Variants in PDE10A observed in about 807,000 individuals in gnomAD.
The protein encoded by PDE10A is cAMP and cAMP-inhibited cGMP 3',5'-cyclic phosphodiesterase 10A.
PDE10A carries 39 observed loss-of-function variants against 97.7 expected under a neutral mutation model. The observed-to-expected ratio is 0.40, with a 90% CI of 0.31 to 0.52. The LOEUF is 0.52. PDE10A is among the 20% of genes least tolerant of loss of function. The pLI, the probability that PDE10A is intolerant of heterozygous loss-of-function variation, is 0.56. For missense variants in PDE10A, 731 were observed against 1,047.8 expected (o/e 0.70, Z 4.17); for synonymous variants, 371 against 376.8 (o/e 0.98, Z 0.18).
chr6:165,772,819 A>G (rs950723938), intron 1 of PDE10A, among the ~76,000 whole-genome samples: 2 of 152,174 alleles, frequency 1.3e-5, no homozygotes, highest in Admixed American at 1.3e-4. Flanking sequence ...AAGCAGCAAC[A>G]ATGTAGCATT....
intron 2 of PDE10A, among the ~76,000 whole-genome samples, chr6:165,498,090 G>A (rs1780643890): frequency 6.6e-6 from 1 of 151,930 alleles, no homozygotes; most frequent in African/African-American, 2.4e-5. Flanking sequence ...GTGGGGAAAT[G>A]AGAAGTCCAA....
At chr6:165,512,525 T>C (rs1781563058) in intron 2 of PDE10A, among the ~76,000 whole-genome samples, 1 of 152,016 alleles carries the variant, frequency 6.6e-6, no homozygotes, top group Admixed American at 6.6e-5. Context: ...AAATCCATTA[T>C]TAGTCTGACA....
intron 1 of PDE10A, among the ~76,000 whole-genome samples, chr6:165,765,647 G>T (rs542165323): frequency 6.6e-6 from 1 of 152,176 alleles, no homozygotes; most frequent in African/African-American, 2.4e-5. Context: ...ATGCAGCCCC[G>T]GTTCCTGCTC....
At chr6:165,896,328 T>C (rs1781947053) in intron 1 of PDE10A, among the ~76,000 whole-genome samples, 1 of 152,036 alleles carries the variant, frequency 6.6e-6, no homozygotes, top group Non-Finnish European at 1.5e-5. Context: ...CCTAGCACAC[T>C]GCTTTATATG....
intron 1 of PDE10A, among the ~76,000 whole-genome samples, chr6:165,895,388 G>T (rs1781915276): frequency 6.6e-6 from 1 of 152,148 alleles, no homozygotes; most frequent in South Asian, 2.1e-4. Context: ...TCAAGCCAAG[G>T]ACTGCCCATG....
At chr6:165,573,738 G>A (rs1170449427) in intron 1 of PDE10A, among the ~76,000 whole-genome samples, 2 of 152,086 alleles carry the variant, frequency 1.3e-5, no homozygotes, top group African/African-American at 2.4e-5. Flanking sequence ...AAACAGACAG[G>A]AATCTGGCCT....
chr6:165,758,998 C>A (rs184637452), intron 1 of PDE10A, among the ~76,000 whole-genome samples: 144 of 152,200 alleles, frequency 9.5e-4, no homozygotes, highest in African/African-American at 3.1e-3. Context: ...GGAGACAAGG[C>A]GATTTGAGGC....
intron 1 of PDE10A, among the ~76,000 whole-genome samples, chr6:165,620,586 G>A (rs1324665318): frequency 1.3e-5 from 2 of 152,118 alleles, no homozygotes; most frequent in Non-Finnish European, 2.9e-5. Context: ...TAAATGGATG[G>A]GTGCACTGTG....
chr6:165,912,949 A>G (rs537334060), intron 1 of PDE10A, among the ~76,000 whole-genome samples: 1 of 152,242 alleles, frequency 6.6e-6, no homozygotes, highest in African/African-American at 2.4e-5. Context: ...GTACACATAT[A>G]TATACAGGTT....
chr6:165,699,874 A>G (rs1791526892), intron 1 of PDE10A, among the ~76,000 whole-genome samples: 1 of 152,218 alleles, frequency 6.6e-6, no homozygotes, highest in South Asian at 2.1e-4. Flanking sequence ...TTATATTAGT[A>G]AAGAAGAAAG....
intron 1 of PDE10A, among the ~76,000 whole-genome samples, chr6:165,644,635 C>A (rs181844991): frequency 6.6e-6 from 1 of 152,198 alleles, no homozygotes; most frequent in Admixed American, 6.5e-5. Flanking sequence ...ACAACATATA[C>A]GTATATTGAA....
chr6:165,958,747 G>GAAACAAAGAAAGAAAGAA (rs10654760), intron 1 of PDE10A, among the ~76,000 whole-genome samples: 1 of 106,134 alleles, frequency 9.4e-6, no homozygotes, highest in East Asian at 3.4e-4. Flanking sequence ...AAGAAAGAAA[G>GAAACAAAGAAAGAAAGAA]AGAAAGAAAG....
intron 17 of PDE10A, among the ~76,000 whole-genome samples, chr6:165,380,965 G>A (rs191825537): frequency 6.6e-5 from 10 of 152,324 alleles, no homozygotes; most frequent in East Asian, 5.8e-4. Flanking sequence ...TGGTGCTCAC[G>A]CACACATCTG....
chr6:165,929,895 G>T (rs895515279), intron 1 of PDE10A, among the ~76,000 whole-genome samples: 12 of 151,842 alleles, frequency 7.9e-5, no homozygotes, highest in African/African-American at 2.9e-4. Context: ...GCTCCCTAAT[G>T]ACCGGGCACA....
chr6:165,670,600 T>C (rs60004710), intron 1 of PDE10A, among the ~76,000 whole-genome samples: 3,465 of 152,312 alleles, frequency 0.023, 117 homozygotes, highest in African/African-American at 0.079. Context: ...AATTTTTATC[T>C]GATAATCTTA....
chr6:165,806,329 G>C (rs77522046), intron 1 of PDE10A, among the ~76,000 whole-genome samples: 1 of 152,162 alleles, frequency 6.6e-6, no homozygotes, highest in Non-Finnish European at 1.5e-5. Context: ...TTTGTCCAAG[G>C]CTCCGCGTTC....
rs140550199 is a variant in PDE10A, at chr6:165,462,674, T to C, written c.1024-12312A>G. ...ACACAGCCACCCACATGGGGACAGA[T>C]CAAGAAGCTGTCACAGATGGCAGAA... On this transcript the variant is annotated intron_variant, in intron 3 of 21. Coordinates refer to ENST00000539869, the MANE Select transcript of PDE10A (RefSeq NM_001385079.1). Among the ~76,000 whole-genome samples, 499 of 152,202 alleles carry C rather than the reference T, an allele frequency of 3.3e-3. 7 individuals are homozygous for C. The highest frequency in any genetic ancestry group is 0.012 in the African/African-American group (479 of 41,522).
At chr6:165,547,588 T>C (rs1783802174) in intron 1 of PDE10A, among the ~76,000 whole-genome samples, 1 of 152,182 alleles carries the variant, frequency 6.6e-6, no homozygotes, top group Admixed American at 6.5e-5. Flanking sequence ...CTATGGTTAA[T>C]GATTCAGCCA....
At chr6:165,850,179 C>A (rs1307159493) in intron 1 of PDE10A, among the ~76,000 whole-genome samples, 4 of 152,190 alleles carry the variant, frequency 2.6e-5, no homozygotes, top group Non-Finnish European at 5.9e-5. Flanking sequence ...GGCTGCTGGG[C>A]CAGGCGCTGA....
Sources: gnomAD v4.1 joint callset for allele counts (sites outside exome capture counted in the v4.1 genomes callset) on GRCh38, gnomAD v4.1.1 for gene constraint, MANE v1.5 for transcripts, NCBI Gene and HGNC (gene_info 2026-07-23, HGNC 2026-07-21) for gene names.